Variants in GAREM1 observed in about 807,000 individuals in gnomAD.
GAREM1 encodes the protein GRB2 associated regulator of MAPK1 subtype 1.
GAREM1 carries 26 observed loss-of-function variants against 71.3 expected under a neutral mutation model. That is an observed-to-expected ratio of 0.36 (90% CI 0.27 to 0.51). GAREM1 has a LOEUF of 0.51. GAREM1 is among the 20% of genes least tolerant of loss of function. The probability of loss-of-function intolerance (pLI) is 0.95; values close to 1 mark genes in which losing one functional copy is unlikely to be tolerated. For synonymous variants in GAREM1, 440 were observed against 433.2 expected, an observed-to-expected ratio of 1.02 and a Z score of -0.20; for missense variants, 1,026 against 1,103.1, an observed-to-expected ratio of 0.93 and a Z score of 0.99.
chr18:32,280,408 A>G (rs1039680927), intron 4 of GAREM1, among the ~76,000 whole-genome samples: 1 of 152,142 alleles, frequency 6.6e-6, no homozygotes, highest in Admixed American at 6.5e-5. Context: ...CGAGGAAGGG[A>G]GTCAGTTATC....
intron 2 of GAREM1, among the ~76,000 whole-genome samples, chr18:32,368,552 A>T (rs2047947529): frequency 6.6e-6 from 1 of 152,172 alleles, no homozygotes; most frequent in African/African-American, 2.4e-5. Flanking sequence ...TTCTACTCTG[A>T]ATCACTGCTC....
chr18:32,278,959 G>A (rs977127343), intron 4 of GAREM1, among the ~76,000 whole-genome samples: 14 of 152,154 alleles, frequency 9.2e-5, no homozygotes, highest in African/African-American at 2.9e-4. Context: ...CCTCAGGCAA[G>A]GGAGGCCCAG....
Position 32,268,399 on chromosome 18 carries a change from G to A in GAREM1, c.2103C>T (p.Tyr701=). ...ATTTCACATCTGTGCTCTCCAGAGA[G>A]TAGCTGGCTGACTTGGGACAACCAG... is the stretch of plus-strand genomic sequence containing the variant. ...SVSGCPKSAS[Y]SLESTDVKSL... is the part of the protein sequence containing the mutation. The change falls in exon 6 of 6, where the codon TAC becomes TAT. Residue 701 remains tyrosine (Y), a synonymous_variant. Coordinates refer to ENST00000269209, the MANE Select transcript of GAREM1 (RefSeq NM_001242409.2). 6.2e-7 allele frequency: 1 copy of A among 1,614,216 alleles called. No individual in the cohort carries two copies. The highest frequency in any genetic ancestry group is 8.5e-7 in the Non-Finnish European group (1 of 1,180,038).
rs568501317 is a variant in GAREM1 at position 32,464,172 on chromosome 18, G to A, written c.121+6136C>T. The stretch of plus-strand genomic sequence containing the variant: ...TGGGCGTGGTAGTGCATGCCTGTAA[G>A]CCCAGCTACTTGGGAGGCTGAAGCA... On this transcript the variant is annotated intron_variant, in intron 1 of 5. Transcript: ENST00000269209. Among the ~76,000 whole-genome samples the A allele has an allele frequency of 2.6e-5, 4 of 151,840 alleles. No homozygotes were observed. In the South Asian group the frequency reaches 8.3e-4, roughly 32 times the overall value.
intron 3 of GAREM1, chr18:32,290,349 G>A (rs998866818): frequency 6.6e-6 from 1 of 151,968 alleles, no homozygotes; most frequent in Non-Finnish European, 1.5e-5. Flanking sequence ...AAAGTCAAAA[G>A]TCAAATGACA....
At chr18:32,341,707 A>G (rs2144575976) in intron 2 of GAREM1, among the ~76,000 whole-genome samples, 1 of 152,216 alleles carries the variant, frequency 6.6e-6, no homozygotes, top group East Asian at 1.9e-4. Context: ...AGATCGTCAC[A>G]CTCTGGTTCC....
At chr18:32,436,121 A>T (rs1370746266) in intron 1 of GAREM1, among the ~76,000 whole-genome samples, 2 of 152,216 alleles carry the variant, frequency 1.3e-5, no homozygotes, top group Non-Finnish European at 2.9e-5. Flanking sequence ...GTGAATAAAG[A>T]TGGTATACGG....
intron 2 of GAREM1, among the ~76,000 whole-genome samples, chr18:32,374,625 A>C (rs1335143311): frequency 6.6e-6 from 1 of 152,248 alleles, no homozygotes; most frequent in Non-Finnish European, 1.5e-5. Flanking sequence ...AGAGGATGAA[A>C]GGTAAAATGA....
intron 4 of GAREM1, among the ~76,000 whole-genome samples, chr18:32,275,917 C>T (rs1387291259): frequency 6.6e-6 from 1 of 152,206 alleles, no homozygotes; most frequent in Non-Finnish European, 1.5e-5. Flanking sequence ...TCAGGTGATT[C>T]GCCCGCCTCG....
chr18:32,324,273 G>A (rs2047455225), intron 2 of GAREM1, among the ~76,000 whole-genome samples: 1 of 152,210 alleles, frequency 6.6e-6, no homozygotes. Flanking sequence ...CGTACACAGA[G>A]TGTGAGGAGG....
At chr18:32,382,113 C>A (rs534218261) in intron 2 of GAREM1, among the ~76,000 whole-genome samples, 1 of 152,260 alleles carries the variant, frequency 6.6e-6, no homozygotes, top group East Asian at 1.9e-4. Flanking sequence ...AAAGAAGAAT[C>A]CATTTCAGTT....
intron 1 of GAREM1, among the ~76,000 whole-genome samples, chr18:32,466,553 C>T (rs34066940): frequency 0.2 from 30,572 of 151,956 alleles, 3,240 homozygotes; most frequent in Admixed American, 0.26. Flanking sequence ...TTTTAGGAGG[C>T]ATAGAAGCAA....
At chr18:32,449,353 T>A (rs887119692) in intron 1 of GAREM1, among the ~76,000 whole-genome samples, 15 of 152,182 alleles carry the variant, frequency 9.9e-5, no homozygotes, top group Admixed American at 2.6e-4. Context: ...TTCCTTTTTT[T>A]AAAAAGTTTT....
intron 1 of GAREM1, among the ~76,000 whole-genome samples, chr18:32,399,537 CAG>C (rs760337068): frequency 5.3e-5 from 8 of 152,100 alleles, no homozygotes; most frequent in African/African-American, 9.7e-5. Context: ...AACAGACAAA[CAG>C]AGAGTCAACT....
At chr18:32,305,890 TG>T (rs1317494733) in intron 3 of GAREM1, among the ~76,000 whole-genome samples, 5 of 152,214 alleles carry the variant, frequency 3.3e-5, no homozygotes, top group African/African-American at 1.2e-4. Context: ...ACACCTTTGC[TG>T]ATCTCTGCTA....
intron 3 of GAREM1, among the ~76,000 whole-genome samples, chr18:32,298,599 C>T (rs970048769): frequency 1.3e-5 from 2 of 151,976 alleles, no homozygotes; most frequent in South Asian, 2.1e-4. Flanking sequence ...GAATTAATAC[C>T]CCATGGTCAA....
intron 1 of GAREM1, among the ~76,000 whole-genome samples, chr18:32,438,011 C>T (rs1252145171): frequency 1.3e-5 from 2 of 152,076 alleles, no homozygotes; most frequent in Non-Finnish European, 2.9e-5. Flanking sequence ...CCAACCCCAG[C>T]ACCTCTAAAG....
At chr18:32,399,286 A>G (rs535930290) in intron 1 of GAREM1, among the ~76,000 whole-genome samples, 2 of 152,056 alleles carry the variant, frequency 1.3e-5, no homozygotes, top group South Asian at 4.2e-4. Context: ...CTCTCTCACC[A>G]CTCCTATTCA....
chr18:32,310,111 G>A lies in GAREM1; in HGVS notation c.393+82C>T. The A allele has an allele frequency of 2.0e-6, 3 of 1,478,652 alleles. No homozygotes were observed. In the Admixed American group the frequency reaches 5.5e-5, roughly 27 times the overall value. The allele number at this position is 1,478,652 out of a possible 1,614,324, so 91.6% of individuals were successfully genotyped here. A position where few individuals can be genotyped will look rare whatever the true frequency, so the allele number is the denominator to read the frequency against. On this transcript the variant is annotated intron_variant, in intron 3 of 5. Transcript: ENST00000269209. ...TAAAACCCTCCTAGGAGACACAGAT[G>A]AACACTTACTGTGTACATCCAGACT... is the stretch of plus-strand genomic sequence containing the variant.
Sources: gnomAD v4.1 joint callset for allele counts (sites outside exome capture counted in the v4.1 genomes callset) on GRCh38, gnomAD v4.1.1 for gene constraint, MANE v1.5 for transcripts, NCBI Gene and HGNC (gene_info 2026-07-23, HGNC 2026-07-21) for gene names.